Variants in RNF150 observed in about 807,000 individuals in gnomAD.
RNF150 encodes the protein ring finger protein 150.
Under a neutral mutation model 39.3 loss-of-function variants are expected in RNF150, and 24 were observed. That is an observed-to-expected ratio of 0.61 (90% CI 0.44 to 0.86). The LOEUF (loss-of-function observed/expected upper bound fraction) is 0.86. Ranked by LOEUF, RNF150 falls within the 40% of genes least tolerant of loss-of-function variation. The pLI is 0.00. For synonymous variants in RNF150, 255 were observed against 227.3 expected (o/e 1.12, Z -1.10); for missense variants, 502 against 587.8 (o/e 0.85, Z 1.51).
intron 1 of RNF150, among the ~76,000 whole-genome samples, chr4:141,007,447 C>T (rs1344976104): frequency 6.6e-6 from 1 of 152,148 alleles, no homozygotes; most frequent in Non-Finnish European, 1.5e-5. Flanking sequence ...GGTGAACGGA[C>T]TATGTATATA....
intron 5 of RNF150, among the ~76,000 whole-genome samples, chr4:140,914,798 T>C (rs1730748290): frequency 6.6e-6 from 1 of 152,230 alleles, no homozygotes; most frequent in Non-Finnish European, 1.5e-5. Context: ...ATGATACCTA[T>C]TGTTATGGGA....
intron 6 of RNF150, among the ~76,000 whole-genome samples, chr4:140,875,791 T>G (rs537707804): frequency 6.6e-6 from 1 of 152,308 alleles, no homozygotes; most frequent in South Asian, 2.1e-4. Flanking sequence ...CATGATAGTT[T>G]TCACATGAAG....
Position 141,000,044 on chromosome 4 carries a change from G to GAA in RNF150, c.485-32173_485-32172dup, listed in dbSNP as rs1172924243. On this transcript the variant is annotated intron_variant, in intron 1 of 6. Coordinates refer to ENST00000515673, the MANE Select transcript of RNF150 (RefSeq NM_020724.2). The stretch of plus-strand genomic sequence containing the variant: ...AGAAGAAGAAGAAGAAGAAGAAGAA[G>GAA]AAGAAGAAGAAGAAGAAGAAGAAGA... Among the ~76,000 whole-genome samples, 154 of 75,502 alleles carry GAA rather than the reference G, an allele frequency of 2.0e-3. 14 individuals are homozygous for GAA. Among genetic ancestry groups the GAA allele is most frequent in the Middle Eastern group, 6.9e-3 (1 of 144 alleles). 49.5% of individuals were successfully genotyped at this position (75,502 alleles called of 152,430 possible). A position where few individuals can be genotyped will look rare whatever the true frequency, so the allele number is the denominator to read the frequency against.
In RNF150 at chr4:140,866,485, G is replaced by C. The variant is rs1045437612; in HGVS notation, c.*1776C>G. ...CATTACAGGAAGCATTGGACTCCTA[G>C]GGAGATGCAACCTTTCTGAGGGTAA... On this transcript the variant is annotated 3_prime_UTR_variant, in exon 7 of 7. Coordinates refer to ENST00000515673, the MANE Select transcript of RNF150 (RefSeq NM_020724.2). 10 of 152,160 alleles carry C rather than the reference G, an allele frequency of 6.6e-5. No homozygotes were observed. Among genetic ancestry groups the C allele is most frequent in the African/African-American group, 2.4e-4 (10 of 41,434 alleles). The allele number at this position is 152,160 out of a possible 1,614,324, so 9.4% of individuals were successfully genotyped here.
intron 1 of RNF150, among the ~76,000 whole-genome samples, chr4:140,992,019 C>G (rs1734211594): frequency 6.6e-6 from 1 of 152,112 alleles, no homozygotes; most frequent in Admixed American, 6.6e-5. Context: ...CTAATAATAT[C>G]TGAAAAATTC....
At chr4:140,973,777 T>C (rs566717108) in intron 1 of RNF150, among the ~76,000 whole-genome samples, 1 of 149,188 alleles carries the variant, frequency 6.7e-6, no homozygotes, top group East Asian at 2.0e-4. Flanking sequence ...CTTGGGAGGC[T>C]GAGGCAGGAG....
chr4:140,934,873 G>T (rs144652382), intron 4 of RNF150, among the ~76,000 whole-genome samples: 1 of 150,740 alleles, frequency 6.6e-6, no homozygotes, highest in Non-Finnish European at 1.5e-5. Flanking sequence ...ATAAAATACA[G>T]GGGCAATCAT....
At chr4:140,956,099 T>C (rs1242947429) in intron 2 of RNF150, among the ~76,000 whole-genome samples, 2 of 152,222 alleles carry the variant, frequency 1.3e-5, no homozygotes, top group African/African-American at 4.8e-5. Context: ...GTTTATCTGA[T>C]CTGTCCATAT....
At chr4:141,100,064 A>G (rs553044660) in intron 1 of RNF150, among the ~76,000 whole-genome samples, 4 of 152,202 alleles carry the variant, frequency 2.6e-5, no homozygotes, top group African/African-American at 9.6e-5. Flanking sequence ...TTAGAATGCT[A>G]AAAAAATTTT....
chr4:140,860,264 T>C lies in RNF150; in HGVS notation c.*7997A>G, dbSNP rs1238909704. The C allele has an allele frequency of 6.6e-6, 1 of 152,060 alleles. No homozygotes were observed. Among genetic ancestry groups the C allele is most frequent in the East Asian group, 1.9e-4 (1 of 5,182 alleles). The allele number at this position is 152,060 out of a possible 1,614,324, so 9.4% of individuals were successfully genotyped here. A position where few individuals can be genotyped will look rare whatever the true frequency, so the allele number is the denominator to read the frequency against. ...ACAGAAAAAATTTAAAAAACTACAC[T>C]GCCTTAACTAATCATCTCAATATGC... On this transcript the variant is annotated 3_prime_UTR_variant, in exon 7 of 7. Coordinates refer to ENST00000515673, the MANE Select transcript of RNF150 (RefSeq NM_020724.2).
chr4:141,177,052 A>AG (rs1268476254), intron 1 of RNF150, among the ~76,000 whole-genome samples: 45 of 27,412 alleles, frequency 1.6e-3, no homozygotes, highest in Admixed American at 1.1e-3. Flanking sequence ...CCTGTCTCCT[A>AG]GGAAAAAAAA....
At chr4:140,947,583 G>T in intron 4 of RNF150, 71 bp downstream of exon 4, 1 of 1,120,870 alleles carries the variant, frequency 8.9e-7, no homozygotes, top group South Asian at 1.3e-5. Context: ...CAGCAGGTCG[G>T]GGCCAGGGAG....
chr4:140,999,305 G>A (rs1297416994), intron 1 of RNF150, among the ~76,000 whole-genome samples: 1 of 152,212 alleles, frequency 6.6e-6, no homozygotes, highest in Non-Finnish European at 1.5e-5. Context: ...CTGATGAGCA[G>A]ATCCAGCACT....
intron 1 of RNF150, among the ~76,000 whole-genome samples, chr4:141,142,540 T>C (rs1160178404): frequency 6.6e-6 from 1 of 152,238 alleles, no homozygotes; most frequent in African/African-American, 2.4e-5. Context: ...ATCGTAGTTG[T>C]CACTCTCTTC....
chr4:140,911,407 TA>T, intron 5 of RNF150, 53 bp from the exon 6 acceptor site: 2 of 1,443,202 alleles, frequency 1.4e-6, no homozygotes, highest in Non-Finnish European at 1.9e-6. Context: ...ACTTAGAGAT[TA>T]AATGTCTATA....
At chr4:141,087,788 T>C (rs766092902) in intron 1 of RNF150, among the ~76,000 whole-genome samples, 1 of 152,242 alleles carries the variant, frequency 6.6e-6, no homozygotes, top group Non-Finnish European at 1.5e-5. Context: ...AGAATGTGTC[T>C]GTAATGAGGG....
chr4:141,042,795 G>A (rs1391528459), intron 1 of RNF150, among the ~76,000 whole-genome samples: 1 of 152,082 alleles, frequency 6.6e-6, no homozygotes, highest in South Asian at 2.1e-4. Context: ...CATGTGTTCT[G>A]GGGATGGGGT....
chr4:140,937,425 T>C (rs1165417067), intron 4 of RNF150, among the ~76,000 whole-genome samples: 1 of 152,106 alleles, frequency 6.6e-6, no homozygotes, highest in Non-Finnish European at 1.5e-5. Context: ...AACGCCCATC[T>C]AATTTTTGTA....
At chr4:141,205,313 G>A (rs892272623) in intron 1 of RNF150, among the ~76,000 whole-genome samples, 3 of 152,100 alleles carry the variant, frequency 2.0e-5, no homozygotes, top group Admixed American at 2.0e-4. Context: ...ATAAACTTGA[G>A]GACCTAAGAT....
Sources: allele counts gnomAD v4.1 joint callset (sites outside exome capture counted in the v4.1 genomes callset), GRCh38; gene constraint gnomAD v4.1.1; transcripts MANE v1.5; gene names NCBI Gene and HGNC (gene_info 2026-07-23, HGNC 2026-07-21).